The following FOXP1 variants were observed in gnomAD, a reference collection of about 807,000 sequenced individuals.
FOXP1 encodes the protein forkhead box P1, also known as forkhead box protein P1.
Under a neutral mutation model 98.2 loss-of-function variants are expected in FOXP1, and 15 were observed. The observed-to-expected ratio is 0.15, with a 90% CI of 0.10 to 0.24. The LOEUF is 0.24. Ranked by LOEUF, FOXP1 falls within the 10% of genes least tolerant of loss-of-function variation. The pLI, the probability that FOXP1 is intolerant of heterozygous loss-of-function variation, is 1.00. For missense variants in FOXP1, 633 were observed against 848.5 expected (o/e 0.75, Z 3.15); for synonymous variants, 371 against 314.5 (o/e 1.18, Z -1.90).
intron 4 of FOXP1, among the ~76,000 whole-genome samples, chr3:71,346,113 G>C (rs1439769704): frequency 6.6e-6 from 1 of 151,986 alleles, no homozygotes; most frequent in Admixed American, 6.6e-5. Context: ...ATTTGGGAGG[G>C]GCTAGCATGC....
At chr3:71,165,905 T>C (rs1297491787) in intron 6 of FOXP1, among the ~76,000 whole-genome samples, 1 of 152,214 alleles carries the variant, frequency 6.6e-6, no homozygotes, top group East Asian at 1.9e-4. Flanking sequence ...GTGTTGCTGG[T>C]GGTAACAGAA....
chr3:71,098,327 T>TA (rs1280270878), intron 7 of FOXP1, among the ~76,000 whole-genome samples: 1 of 152,218 alleles, frequency 6.6e-6, no homozygotes, highest in African/African-American at 2.4e-5. Context: ...ACTTACGAAT[T>TA]AAAGTTCTAT....
At chr3:71,113,430 CT>C (rs1340876070) in intron 6 of FOXP1, among the ~76,000 whole-genome samples, 1 of 152,074 alleles carries the variant, frequency 6.6e-6, no homozygotes, top group Non-Finnish European at 1.5e-5. Context: ...ACTGACAAAT[CT>C]TTTTAAAAGT....
chr3:71,574,277 T>G (rs1308008511), intron 2 of FOXP1: 2 of 152,158 alleles, frequency 1.3e-5, no homozygotes, highest in Non-Finnish European at 2.9e-5. Context: ...AAAGCCAAAA[T>G]GGAAATTAAA....
At position 71,431,083 on chromosome 3, in the gene FOXP1, T is replaced by C. The variant is rs1051048630; in HGVS notation, c.-168+62343A>G. 6.6e-5 allele frequency among the ~76,000 whole-genome samples: 10 copies of C among 152,300 alleles called. 1 individual carries two copies. In the South Asian group the frequency reaches 1.7e-3, roughly 25 times the overall value. On this transcript the variant is annotated intron_variant, in intron 3 of 20. Transcript: ENST00000649528. Reference sequence around the variant, plus strand: ...AGGTGAGTGGTGGAAGATGAGCCGGTGGACATGTCCCTTGCGTGCATGCAG... The same window carrying C: ...AGGTGAGTGGTGGAAGATGAGCCGGCGGACATGTCCCTTGCGTGCATGCAG...
chr3:71,095,909 G>T (rs907100524), intron 7 of FOXP1, among the ~76,000 whole-genome samples: 1 of 152,192 alleles, frequency 6.6e-6, no homozygotes, highest in Non-Finnish European at 1.5e-5. Context: ...TAAATCTCAA[G>T]GTAGACCTTC....
chr3:71,505,513 C>T lies in FOXP1; in HGVS notation c.-297-11958G>A, dbSNP rs546279332. Among the ~76,000 whole-genome samples the T allele has an allele frequency of 4.0e-5, 6 of 151,798 alleles. No homozygotes were observed. The East Asian group carries it at 1.2e-3, about 30-fold the overall frequency. On this transcript the variant is annotated intron_variant, in intron 2 of 20. Coordinates refer to ENST00000649528, the MANE Select transcript of FOXP1 (RefSeq NM_001349338.3). ...TAGGCTCACTGCAATCTCCGCCTCC[C>T]CTCCCAGGTTCAAGCGATTCTCCTG...
At chr3:71,218,681 G>A (rs1522175) in intron 5 of FOXP1, among the ~76,000 whole-genome samples, 128,089 of 152,128 alleles carry the variant, frequency 0.84, 53,943 homozygotes, top group South Asian at 0.9. Flanking sequence ...ATATAACCCA[G>A]CCCATCTGTA....
intron 6 of FOXP1, among the ~76,000 whole-genome samples, chr3:71,164,270 G>A (rs1310114696): frequency 6.6e-6 from 1 of 152,080 alleles, no homozygotes; most frequent in Non-Finnish European, 1.5e-5. Context: ...CGCAATCTCG[G>A]CTCACTGCAA....
intron 3 of FOXP1, among the ~76,000 whole-genome samples, chr3:71,367,257 C>T (rs774467065): frequency 1.3e-5 from 2 of 152,162 alleles, no homozygotes; most frequent in African/African-American, 2.4e-5. Context: ...AGGCTCCTTC[C>T]CCACAGCCAA....
At chr3:71,310,836 C>T (rs146174380) in intron 4 of FOXP1, among the ~76,000 whole-genome samples, 8 of 152,298 alleles carry the variant, frequency 5.3e-5, no homozygotes, top group Non-Finnish European at 8.8e-5. Context: ...GGCTGCCTAC[C>T]AGGCCTAGGT....
At chr3:71,426,205 C>A (rs2084140731) in intron 3 of FOXP1, among the ~76,000 whole-genome samples, 1 of 152,182 alleles carries the variant, frequency 6.6e-6, no homozygotes, top group Admixed American at 6.5e-5. Context: ...TTGAAAGAAT[C>A]AGGCAAAGGA....
intron 3 of FOXP1, among the ~76,000 whole-genome samples, chr3:71,423,914 G>A (rs1458798763): frequency 2.0e-5 from 3 of 152,160 alleles, no homozygotes; most frequent in Non-Finnish European, 2.9e-5. Flanking sequence ...CCATAAAGAT[G>A]CACCAGCAGA....
At chr3:71,545,958 C>CA (rs1401846171) in intron 2 of FOXP1, among the ~76,000 whole-genome samples, 2 of 152,142 alleles carry the variant, frequency 1.3e-5, no homozygotes, top group Non-Finnish European at 2.9e-5. Context: ...TATATCCTGG[C>CA]AAAAGTCCAA....
chr3:71,253,145 A>C (rs1028996405), intron 5 of FOXP1, among the ~76,000 whole-genome samples: 2 of 152,182 alleles, frequency 1.3e-5, no homozygotes, highest in African/African-American at 4.8e-5. Context: ...TTAAAAGGTC[A>C]AAAAAATCCT....
At chr3:71,539,258 C>CCA (rs1578085327) in intron 2 of FOXP1, among the ~76,000 whole-genome samples, 1 of 98,302 alleles carries the variant, frequency 1.0e-5, no homozygotes, top group Non-Finnish European at 2.4e-5. Flanking sequence ...ACTACAGGCA[C>CCA]CTGCCACCAT....
intron 3 of FOXP1, among the ~76,000 whole-genome samples, chr3:71,386,133 A>G (rs1441207558): frequency 6.6e-6 from 1 of 152,064 alleles, no homozygotes; most frequent in Non-Finnish European, 1.5e-5. Flanking sequence ...TGCCTTTCCA[A>G]TCTCATCAAA....
At chr3:71,027,460 T>C (rs2046283550) in intron 11 of FOXP1, among the ~76,000 whole-genome samples, 1 of 152,314 alleles carries the variant, frequency 6.6e-6, no homozygotes, top group East Asian at 1.9e-4. Context: ...TGCTTATGTA[T>C]TTCCTTAGAA....
At position 71,262,264 on chromosome 3, in the gene FOXP1, C is replaced by CAAAAAA. The variant is rs71104433; in HGVS notation, c.-12+37550_-12+37555dup. Reference sequence around the variant, plus strand: ...CTGGCAACAGGACAAGACTCTGTCACAAAAAAAAAAAAAAAAAAAAAAAAA... The same window carrying CAAAAAA: ...CTGGCAACAGGACAAGACTCTGTCACAAAAAAAAAAAAAAAAAAAAAAAAAAAAAAA... On this transcript the variant is annotated intron_variant, in intron 5 of 20. Coordinates refer to ENST00000649528, the MANE Select transcript of FOXP1 (RefSeq NM_001349338.3). Among the ~76,000 whole-genome samples, 59 of 25,714 alleles carry CAAAAAA rather than the reference C, an allele frequency of 2.3e-3. 10 individuals are homozygous for CAAAAAA. The highest frequency in any genetic ancestry group is 3.1e-3 in the East Asian group (2 of 640). 16.9% of individuals were successfully genotyped at this position (25,714 alleles called of 152,430 possible).
Sources: allele counts gnomAD v4.1 joint callset (sites outside exome capture counted in the v4.1 genomes callset), GRCh38; gene constraint gnomAD v4.1.1; transcripts MANE v1.5; gene names NCBI Gene and HGNC (gene_info 2026-07-23, HGNC 2026-07-21).